The following SLC18A1 variants were observed in gnomAD, a reference collection of about 807,000 sequenced individuals.
The protein encoded by SLC18A1 is solute carrier family 18 member A1, also known as chromaffin granule amine transporter.
In SLC18A1, 69 loss-of-function variants were observed where a neutral mutation model predicts 53.7. The ratio of observed to expected loss-of-function variants is 1.28; its 90% confidence interval spans 1.06 to 1.57. The LOEUF (loss-of-function observed/expected upper bound fraction) is 1.57, where lower values mean the gene tolerates loss of function less well. Among genes scored for constraint, SLC18A1 ranks in the 40% most tolerant of loss-of-function variants. The probability of loss-of-function intolerance (pLI) is 0.00; values close to 1 mark genes in which losing one functional copy is unlikely to be tolerated. For missense variants in SLC18A1, 932 were observed against 668.1 expected, an observed-to-expected ratio of 1.40 and a Z score of -4.35; for synonymous variants, 320 against 248.1, an observed-to-expected ratio of 1.29 and a Z score of -2.72.
At chr8:20,148,100 G>A (rs368111307) in intron 12 of SLC18A1, 30 bp from the exon 13 acceptor site, 10 of 1,604,568 alleles carry the variant, frequency 6.2e-6, no homozygotes, top group Non-Finnish European at 8.5e-6. Context: ...GAGTCATCAG[G>A]ACTCCAGATG....
rs773935677 is a variant in SLC18A1, at chr8:20,173,036, C to T, written c.724G>A (p.Val242Met). The T allele has an allele frequency of 2.5e-6, 4 of 1,583,582 alleles. No individual in the cohort carries two copies. The highest frequency in any genetic ancestry group is 3.4e-6 in the Non-Finnish European group (4 of 1,165,318). The change falls in exon 6 of 16, where the codon GTG (valine) becomes ATG (methionine). Residue 242 changes from valine to methionine, a missense_variant and splice_region_variant. By Grantham distance (21) the Val-to-Met change is conservative. Transcript: ENST00000276373. ...CAGAGCTCCAGCTGGTGCCACTTAC[C>T]CAGCAACCCCAAGGCCAGGCCCCCC... ...ALGGLALGLL[V>M]GAPFGSVMYE...
At chr8:20,180,283 A>G (rs185613528) in intron 2 of SLC18A1, among the ~76,000 whole-genome samples, 4 of 152,258 alleles carry the variant, frequency 2.6e-5, no homozygotes, top group Non-Finnish European at 4.4e-5. Flanking sequence ...ATCCTTTTTT[A>G]AAAACATATG....
At chr8:20,171,924 G>C (rs1300723371) in intron 6 of SLC18A1, among the ~76,000 whole-genome samples, 1 of 152,184 alleles carries the variant, frequency 6.6e-6, no homozygotes, top group East Asian at 1.9e-4. Context: ...TGTGTAGTTG[G>C]AGAAGAAAAA....
intron 14 of SLC18A1, 40 bp from the exon 15 acceptor site, chr8:20,147,431 C>T: frequency 6.3e-7 from 1 of 1,588,554 alleles, no homozygotes; most frequent in Non-Finnish European, 8.6e-7. Context: ...TCTATGGAGC[C>T]TCCATATGGA....
At chr8:20,180,009 G>A (rs1436406440) in intron 2 of SLC18A1, among the ~76,000 whole-genome samples, 1 of 152,114 alleles carries the variant, frequency 6.6e-6, no homozygotes, top group East Asian at 1.9e-4. Flanking sequence ...ACCTGCTAGT[G>A]GAGAGGCCTT....
intron 4 of SLC18A1, 66 bp from the exon 5 acceptor site, chr8:20,174,510 G>A: frequency 9.8e-7 from 1 of 1,016,958 alleles, no homozygotes; most frequent in Non-Finnish European, 1.6e-6. Flanking sequence ...AGCCGCCAGA[G>A]AACATGCCCG....
In SLC18A1 at chr8:20,160,852, G is replaced by A. The variant is rs74605880; in HGVS notation, c.1015+4017C>T. On this transcript the variant is annotated intron_variant, in intron 10 of 15. Coordinates refer to ENST00000276373, the MANE Select transcript of SLC18A1 (RefSeq NM_003053.4). ...CTTCTTGTTGGGTCATAATACAGCC[G>A]AAGGGTATCACATGGAGAAAGGGCA... 0.015 allele frequency among the ~76,000 whole-genome samples: 2,332 copies of A among 152,154 alleles called. 93 individuals are homozygous for A. The East Asian group carries it at 0.16, about 10-fold the overall frequency.
intron 10 of SLC18A1, among the ~76,000 whole-genome samples, chr8:20,151,258 A>T (rs1217461061): frequency 6.6e-6 from 1 of 150,636 alleles, no homozygotes; most frequent in East Asian, 2.0e-4. Flanking sequence ...AAGTGCTGGG[A>T]TTACAGATGT....
Position 20,178,488 on chromosome 8 carries a change from C to T in SLC18A1, c.494G>A (p.Gly165Glu), listed in dbSNP as rs757084554. Residue 165 changes from glycine to glutamate, a missense_variant, in exon 4 of 16, where the codon GGA becomes GAA. Coordinates refer to ENST00000276373, the MANE Select transcript of SLC18A1 (RefSeq NM_003053.4). ...GCCAGCAAACATGGGGATATGATAT[C>T]CAATCCTAAAAGGGAATTGAAAAAA... ...PFVGPLTNRI[G>E]YHIPMFAGFV... is the part of the protein sequence containing the mutation. The T allele has an allele frequency of 5.6e-6, 9 of 1,600,182 alleles. No individual in the cohort carries two copies. The highest frequency in any genetic ancestry group is 6.8e-6 in the Non-Finnish European group (8 of 1,172,276).
intron 10 of SLC18A1, among the ~76,000 whole-genome samples, chr8:20,162,626 C>G (rs901054096): frequency 4.6e-5 from 7 of 152,198 alleles, no homozygotes; most frequent in Admixed American, 3.9e-4. Flanking sequence ...GGATACAAGT[C>G]TGCCAAGTTT....
intron 12 of SLC18A1, among the ~76,000 whole-genome samples, 187 bp from the exon 13 acceptor site, chr8:20,148,257 G>A (rs540709548): frequency 6.6e-6 from 1 of 152,186 alleles, no homozygotes; most frequent in Non-Finnish European, 1.5e-5. Context: ...ATGAAAACTT[G>A]ACCAGCGCTG....
chr8:20,171,078 G>C, intron 8 of SLC18A1, 25 bp downstream of exon 8: 1 of 1,612,912 alleles, frequency 6.2e-7, no homozygotes, highest in South Asian at 1.1e-5. Context: ...ATAACTGTTA[G>C]AAATGGAGCT....
At chr8:20,173,884 G>C (rs1327474835) in intron 5 of SLC18A1, among the ~76,000 whole-genome samples, 1 of 146,314 alleles carries the variant, frequency 6.8e-6, no homozygotes, top group Non-Finnish European at 1.5e-5. Flanking sequence ...TAGAAACTCT[G>C]TAATTCCTTT....
chr8:20,152,790 TA>T (rs2071590557), intron 10 of SLC18A1, among the ~76,000 whole-genome samples: 1 of 152,074 alleles, frequency 6.6e-6, no homozygotes, highest in African/African-American at 2.4e-5. Flanking sequence ...AAGGCAGAGA[TA>T]GCACAGGAGA....
At chr8:20,174,324 C>CT in intron 5 of SLC18A1, 37 bp downstream of exon 5, 1 of 1,390,636 alleles carries the variant, frequency 7.2e-7, no homozygotes, top group Non-Finnish European at 1.0e-6. Context: ...GTGTGCATGC[C>CT]TGCATGTGTG....
chr8:20,151,493 C>T (rs999534012), intron 10 of SLC18A1, among the ~76,000 whole-genome samples: 1 of 152,158 alleles, frequency 6.6e-6, no homozygotes, highest in African/African-American at 2.4e-5. Context: ...TTCTATTTCT[C>T]TGAGAGGGAT....
intron 7 of SLC18A1, 46 bp downstream of exon 7, chr8:20,171,359 A>C: frequency 6.5e-7 from 1 of 1,540,916 alleles, no homozygotes; most frequent in Non-Finnish European, 9.0e-7. Context: ...TGCATTCCCA[A>C]CCTGACCTGG....
At chr8:20,158,133 G>A (rs2071727170) in intron 10 of SLC18A1, among the ~76,000 whole-genome samples, 1 of 152,100 alleles carries the variant, frequency 6.6e-6, no homozygotes, top group African/African-American at 2.4e-5. Flanking sequence ...CAGAGCCCTG[G>A]GTATGCTTGA....
chr8:20,177,320 C>G (rs2072276481), intron 4 of SLC18A1, among the ~76,000 whole-genome samples: 1 of 152,114 alleles, frequency 6.6e-6, no homozygotes, highest in Non-Finnish European at 1.5e-5. Context: ...TGCTAGGAAT[C>G]AAGTTCTGTG....
Sources: gnomAD v4.1 joint callset for allele counts (sites outside exome capture counted in the v4.1 genomes callset) on GRCh38, gnomAD v4.1.1 for gene constraint, MANE v1.5 for transcripts, NCBI Gene and HGNC (gene_info 2026-07-23, HGNC 2026-07-21) for gene names.